Variants in C1orf21 observed in about 807,000 individuals in gnomAD.
The protein encoded by C1orf21 is uncharacterized protein C1orf21.
In C1orf21, 3 loss-of-function variants were observed where a neutral mutation model predicts 18.7. The observed-to-expected ratio is 0.16, with a 90% CI of 0.07 to 0.42. The LOEUF (loss-of-function observed/expected upper bound fraction) is 0.42. Among genes scored for constraint, C1orf21 ranks in the 10% least tolerant of loss-of-function variants. The pLI is 0.99. For synonymous variants in C1orf21, 41 were observed against 46.4 expected (o/e 0.88, Z 0.47); for missense variants, 104 against 143.6 (o/e 0.72, Z 1.41).
intron 2 of C1orf21, among the ~76,000 whole-genome samples, chr1:184,503,509 C>A (rs1658007955): frequency 2.6e-5 from 4 of 152,138 alleles, no homozygotes; most frequent in Admixed American, 2.6e-4. Context: ...TCCGTCCCCT[C>A]TCCTCTACAT....
At chr1:184,416,375 G>A (rs1656451554) in intron 1 of C1orf21, among the ~76,000 whole-genome samples, 1 of 152,112 alleles carries the variant, frequency 6.6e-6, no homozygotes, top group Non-Finnish European at 1.5e-5. Flanking sequence ...CAAAATGTTA[G>A]AAGGCAGTTG....
chr1:184,426,391 A>G (rs954911279), intron 1 of C1orf21, among the ~76,000 whole-genome samples: 4 of 152,112 alleles, frequency 2.6e-5, no homozygotes, highest in Admixed American at 2.6e-4. Context: ...GTCTGATTAC[A>G]TCGCTCCCCT....
chr1:184,484,520 G>A (rs1008524794), intron 2 of C1orf21, among the ~76,000 whole-genome samples: 6 of 152,090 alleles, frequency 3.9e-5, no homozygotes, highest in Non-Finnish European at 5.9e-5. Flanking sequence ...TTAGCTCCCC[G>A]AAGGCAGGAA....
intron 3 of C1orf21, among the ~76,000 whole-genome samples, chr1:184,540,370 C>T (rs558357546): frequency 1.3e-5 from 2 of 152,080 alleles, no homozygotes; most frequent in South Asian, 2.1e-4. Flanking sequence ...AAGAGATTGA[C>T]AGACTTATGA....
intron 5 of C1orf21, among the ~76,000 whole-genome samples, chr1:184,609,980 ATGTCTCTCAAGG>A (rs1659703498): frequency 6.6e-6 from 1 of 152,218 alleles, no homozygotes; most frequent in South Asian, 2.1e-4. Context: ...CTCTGGAGAG[ATGTCTCTCAAGG>A]TGGAAATTAT....
At chr1:184,519,341 A>T (rs1337502915) in intron 3 of C1orf21, among the ~76,000 whole-genome samples, 1 of 152,182 alleles carries the variant, frequency 6.6e-6, no homozygotes, top group Non-Finnish European at 1.5e-5. Flanking sequence ...GAAATACAGC[A>T]ACATAAACAA....
intron 1 of C1orf21, among the ~76,000 whole-genome samples, chr1:184,446,168 G>A (rs987146115): frequency 2.0e-5 from 3 of 152,112 alleles, no homozygotes; most frequent in African/African-American, 7.2e-5. Flanking sequence ...TGCGATGGAT[G>A]TCAGTTATTA....
intron 3 of C1orf21, chr1:184,566,871 C>G: frequency 2.0e-6 from 1 of 494,094 alleles, no homozygotes; most frequent in South Asian, 1.6e-5. Flanking sequence ...AATGTGACAA[C>G]AGCTGCACCC....
intron 1 of C1orf21, among the ~76,000 whole-genome samples, chr1:184,402,728 A>G (rs1656176020): frequency 6.6e-6 from 1 of 151,462 alleles, no homozygotes; most frequent in South Asian, 2.1e-4. Flanking sequence ...GTTTTCCTCT[A>G]TTGGTCTGTC....
intron 3 of C1orf21, among the ~76,000 whole-genome samples, chr1:184,528,092 C>T (rs1327802140): frequency 6.6e-6 from 1 of 152,106 alleles, no homozygotes; most frequent in African/African-American, 2.4e-5. Flanking sequence ...GTGTTTATTC[C>T]ATATTTTAAG....
At chr1:184,447,000 A>G (rs1468512289) in intron 1 of C1orf21, among the ~76,000 whole-genome samples, 1 of 152,152 alleles carries the variant, frequency 6.6e-6, no homozygotes, top group African/African-American at 2.4e-5. Flanking sequence ...GAAAATATTA[A>G]AAAGCAACAA....
At position 184,410,636 on chromosome 1, in the gene C1orf21, TATATATATATATATATATATATATA is replaced by T. The variant is rs1557964979; in HGVS notation, c.-125+23269_-125+23293del. Among the ~76,000 whole-genome samples, 4 of 3,866 alleles carry T rather than the reference TATATATATATATATATATATATATA, an allele frequency of 1.0e-3. 1 individual carries two copies. The South Asian group carries it at 0.021, about 20-fold the overall frequency. 2.5% of individuals were successfully genotyped at this position (3,866 alleles called of 152,430 possible). A position where few individuals can be genotyped will look rare whatever the true frequency, so the allele number is the denominator to read the frequency against. On this transcript the variant is annotated intron_variant, in intron 1 of 5. Coordinates refer to ENST00000235307, the MANE Select transcript of C1orf21 (RefSeq NM_030806.4). ...TATATATTATATATATATATATATATATATATATATATATATATATATATATATTTTTTTTTTTTTTTTTTGAGAT... is the reference window on the plus strand; with the variant it reads ...TATATATTATATATATATATATATATTATTTTTTTTTTTTTTTTTTGAGAT...
chr1:184,533,369 T>C (rs1181825113), intron 3 of C1orf21, among the ~76,000 whole-genome samples: 2 of 152,212 alleles, frequency 1.3e-5, no homozygotes, highest in African/African-American at 4.8e-5. Flanking sequence ...GGTTAATAGC[T>C]GTTTCCCCAG....
At chr1:184,530,698 C>T (rs578245659) in intron 3 of C1orf21, among the ~76,000 whole-genome samples, 1 of 148,374 alleles carries the variant, frequency 6.7e-6, no homozygotes, top group African/African-American at 2.5e-5. Context: ...TCAAGCCCAA[C>T]ACTTATGACT....
At chr1:184,565,816 C>T (rs1659027563) in intron 3 of C1orf21, among the ~76,000 whole-genome samples, 1 of 152,222 alleles carries the variant, frequency 6.6e-6, no homozygotes, top group South Asian at 2.1e-4. Flanking sequence ...ATACAGATCA[C>T]TGTTGTTCAA....
chr1:184,580,499 A>AC (rs1489009538), intron 3 of C1orf21, among the ~76,000 whole-genome samples: 2 of 152,234 alleles, frequency 1.3e-5, no homozygotes, highest in African/African-American at 4.8e-5. Flanking sequence ...TCCTCCTCAA[A>AC]TAGGGCATGA....
chr1:184,594,497 A>C (rs897540898), intron 4 of C1orf21, among the ~76,000 whole-genome samples: 2 of 152,268 alleles, frequency 1.3e-5, no homozygotes, highest in Non-Finnish European at 2.9e-5. Context: ...TTGAACAAAC[A>C]GAAACAGTTA....
intron 2 of C1orf21, among the ~76,000 whole-genome samples, chr1:184,485,330 A>G (rs563359371): frequency 6.6e-6 from 1 of 152,324 alleles, no homozygotes; most frequent in East Asian, 1.9e-4. Flanking sequence ...TTACATGTTA[A>G]ATGATATATT....
rs191247824 is a variant in C1orf21 at position 184,525,919 on chromosome 1, T to C, written c.189+18237T>C. Among the ~76,000 whole-genome samples the C allele has an allele frequency of 3.2e-4, 48 of 152,268 alleles. 1 individual carries two copies. In the East Asian group the frequency reaches 9.1e-3, roughly 29 times the overall value. On this transcript the variant is annotated intron_variant, in intron 3 of 5. Transcript: ENST00000235307. ...GGAAACTTCATTCTGCTGTAGATGG[T>C]AAATTAATGATTGTAGCAATATATA...
Sources: gnomAD v4.1 joint callset for allele counts (sites outside exome capture counted in the v4.1 genomes callset) on GRCh38, gnomAD v4.1.1 for gene constraint, MANE v1.5 for transcripts, NCBI Gene and HGNC (gene_info 2026-07-23, HGNC 2026-07-21) for gene names.